The following UNKL variants were observed in gnomAD, a reference collection of about 807,000 sequenced individuals.
UNKL encodes the protein putative E3 ubiquitin-protein ligase UNKL.
Under a neutral mutation model 78.0 loss-of-function variants are expected in UNKL, and 60 were observed. The ratio of observed to expected loss-of-function variants is 0.77; its 90% confidence interval spans 0.63 to 0.95. The LOEUF (loss-of-function observed/expected upper bound fraction) is 0.95. Among genes scored for constraint, UNKL ranks in the 40% least tolerant of loss-of-function variants. The pLI is 0.00. For missense variants in UNKL, 1,159 were observed against 1,045.7 expected (o/e 1.11, Z -1.49); for synonymous variants, 608 against 474.8 (o/e 1.28, Z -3.65).
At chr16:1,391,835 A>T (rs1398093885) in intron 8 of UNKL, among the ~76,000 whole-genome samples, 1 of 151,806 alleles carries the variant, frequency 6.6e-6, no homozygotes, top group African/African-American at 2.4e-5. Context: ...TTACAGGCGC[A>T]CGCCACCACG....
rs751332980 is a variant in UNKL, at chr16:1,403,209, C to T, written c.423G>A (p.Ala141=). 6.2e-6 allele frequency: 10 copies of T among 1,613,668 alleles called. No individual in the cohort carries two copies. Among genetic ancestry groups the T allele is most frequent in the East Asian group, 2.2e-5 (1 of 44,876 alleles). Residue 141 remains alanine, a synonymous_variant, in exon 3 of 15, where the codon GCG becomes GCA. Transcript: ENST00000389221. This position sits in a 1 kb window ranked among gnomAD's most constrained non-coding sequence, Gnocchi z 4.8. ...GCGGCCGCAGGTCCAGGGGGCCGTGCGCGAAGGCACAGTGCAGCCCATTCT... is the reference window on the plus strand; with the variant it reads ...GCGGCCGCAGGTCCAGGGGGCCGTGTGCGAAGGCACAGTGCAGCCCATTCT... ...CVKNGLHCAF[A]HGPLDLRPPV... is the part of the protein sequence containing the mutation.
chr16:1,366,664 C>T (rs1429592693), intron 14 of UNKL, among the ~76,000 whole-genome samples: 3 of 152,206 alleles, frequency 2.0e-5, no homozygotes, highest in Admixed American at 6.5e-5. Flanking sequence ...AGGCCAGGCC[C>T]CTGAGGGCAG....
chr16:1,383,454 G>A, intron 10 of UNKL: 1 of 210,174 alleles, frequency 4.8e-6, no homozygotes, highest in East Asian at 1.1e-4. Flanking sequence ...CGGGGCCCTG[G>A]GTGCTTGGGG....
chr16:1,381,446 C>T lies in UNKL; in HGVS notation c.1264+3762G>A, dbSNP rs148148846. 9.4e-3 allele frequency among the ~76,000 whole-genome samples: 1,435 copies of T among 152,206 alleles called. 25 individuals carry two copies. Among genetic ancestry groups the T allele is most frequent in the African/African-American group, 0.032 (1,328 of 41,520 alleles). The stretch of plus-strand genomic sequence containing the variant: ...ACCAGCCTGGCCAACATGGCAAAAC[C>T]CCGTCTCTATTAAAAATACAAAAAT... On this transcript the variant is annotated intron_variant, in intron 10 of 14. Coordinates refer to ENST00000389221, the MANE Select transcript of UNKL (RefSeq NM_001372107.1).
intron 5 of UNKL, chr16:1,398,679 G>GCGGCCCCCCCCCCCCCCCCC: frequency 7.4e-7 from 1 of 1,356,394 alleles, no homozygotes; most frequent in Non-Finnish European, 9.5e-7. Context: ...TGTGGGGTCT[G>GCGGCCCCCCCCCCCCCCCCC]CACCCCCCCA....
At chr16:1,381,895 AC>A in intron 10 of UNKL, among the ~76,000 whole-genome samples, 1 of 152,308 alleles carries the variant, frequency 6.6e-6, no homozygotes, top group African/African-American at 2.4e-5. Flanking sequence ...CAGCGAGCTG[AC>A]TGTACCACTG....
chr16:1,380,001 C>T (rs112875107), intron 10 of UNKL, among the ~76,000 whole-genome samples: 1 of 152,304 alleles, frequency 6.6e-6, no homozygotes, highest in South Asian at 2.1e-4. Context: ...GCTCGCGGGG[C>T]GGGGCGGCGT....
intron 2 of UNKL, among the ~76,000 whole-genome samples, chr16:1,405,354 G>C (rs1413187498): frequency 6.6e-6 from 1 of 152,216 alleles, no homozygotes; most frequent in South Asian, 2.1e-4. Flanking sequence ...CCAGAACTTT[G>C]GAAGGCCAAG....
chr16:1,377,925 G>A (rs1334870817), intron 10 of UNKL, among the ~76,000 whole-genome samples: 1 of 152,174 alleles, frequency 6.6e-6, no homozygotes, highest in Non-Finnish European at 1.5e-5. Context: ...CATTGCAATA[G>A]TAACCTTCCT....
intron 6 of UNKL, among the ~76,000 whole-genome samples, chr16:1,394,974 T>G (rs1328381301): frequency 2.0e-5 from 3 of 151,998 alleles, no homozygotes; most frequent in African/African-American, 7.3e-5. Context: ...ACCTCCCGAG[T>G]TCAAGTGATT....
chr16:1,407,646 A>G (rs1326693638), intron 2 of UNKL, among the ~76,000 whole-genome samples: 5 of 151,560 alleles, frequency 3.3e-5, no homozygotes, highest in Non-Finnish European at 7.4e-5. Flanking sequence ...CACTGAGCCA[A>G]GATCACACCA....
At chr16:1,397,137 C>T (rs1391290848) in intron 6 of UNKL, 41 bp downstream of exon 6, 5 of 1,537,292 alleles carry the variant, frequency 3.3e-6, no homozygotes, top group Non-Finnish European at 2.6e-6. Flanking sequence ...TCTCTGGGAC[C>T]TTCCAGCGAC....
In UNKL at chr16:1,403,578, A is replaced by G. The variant is rs1285823673; in HGVS notation, c.288-234T>C. Among the ~76,000 whole-genome samples, 1 of 152,178 alleles carries G rather than the reference A, an allele frequency of 6.6e-6. No individual in the cohort carries two copies. The highest frequency in any genetic ancestry group is 1.5e-5 in the Non-Finnish European group (1 of 68,040). ...CCCCAGTCAACCAGTCAAACACAGT[A>G]AGAAACACAGACCATCGCAAACCCC... On this transcript the variant is annotated intron_variant, in intron 2 of 14. Transcript: ENST00000389221. The surrounding 1 kb of genome is among the most constrained non-coding windows in gnomAD (Gnocchi z 4.8).
intron 6 of UNKL, among the ~76,000 whole-genome samples, chr16:1,394,857 G>A (rs1300681375): frequency 6.6e-6 from 1 of 152,158 alleles, no homozygotes; most frequent in African/African-American, 2.4e-5. Context: ...TCGGGCACCC[G>A]GTGGGGTCCC....
At chr16:1,370,016 C>G (rs1380413349) in intron 12 of UNKL, 114 bp downstream of exon 12, 4 of 1,551,124 alleles carry the variant, frequency 2.6e-6, no homozygotes, top group Non-Finnish European at 3.5e-6. Flanking sequence ...TGTGGTTTGC[C>G]ACCACAGATA....
At chr16:1,398,679 G>GCTCCCCCCC (rs2037380195) in intron 5 of UNKL, 1 of 1,356,382 alleles carries the variant, frequency 7.4e-7, no homozygotes, top group Non-Finnish European at 9.5e-7. Flanking sequence ...TGTGGGGTCT[G>GCTCCCCCCC]CACCCCCCCA....
Position 1,384,893 on chromosome 16 carries a change from ACTC to A in UNKL, c.1264+312_1264+314del, listed in dbSNP as rs879296583. On this transcript the variant is annotated intron_variant, in intron 10 of 14. Transcript: ENST00000389221. ...GGAGCACAGGCGGCCAACTCCCACA[ACTC>A]CCATCATCTGTCAACAACCTCCCCG... Among the ~76,000 whole-genome samples, 473 of 151,796 alleles carry A rather than the reference ACTC, an allele frequency of 3.1e-3. 8 individuals are homozygous for A. The highest frequency in any genetic ancestry group is 0.029 in the East Asian group (151 of 5,130).
At chr16:1,410,762 G>A (rs563577073) in intron 2 of UNKL, among the ~76,000 whole-genome samples, 110 of 152,262 alleles carry the variant, frequency 7.2e-4, no homozygotes, top group African/African-American at 2.6e-3. Flanking sequence ...GGGAAATCAG[G>A]GGCTGAGCCC....
At chr16:1,378,730 CGA>C (rs2036427232) in intron 10 of UNKL, among the ~76,000 whole-genome samples, 1 of 152,230 alleles carries the variant, frequency 6.6e-6, no homozygotes, top group South Asian at 2.1e-4. Flanking sequence ...TGGGTGCCCC[CGA>C]GAGACTCCGG....
Sources: gnomAD v4.1 joint callset for allele counts (sites outside exome capture counted in the v4.1 genomes callset) on GRCh38, gnomAD v4.1.1 for gene constraint, Gnocchi (gnomAD v3.1) non-coding constraint, MANE v1.5 for transcripts, NCBI Gene and HGNC (gene_info 2026-07-23, HGNC 2026-07-21) for gene names.